The following PIEZO2 variants were observed in gnomAD, a reference collection of about 807,000 sequenced individuals.
PIEZO2 encodes the protein piezo type mechanosensitive ion channel component 2.
A neutral mutation model predicts 337.3 loss-of-function variants in PIEZO2; 172 were observed. That is an observed-to-expected ratio of 0.51 (90% confidence interval 0.45 to 0.58). The LOEUF (loss-of-function observed/expected upper bound fraction) is 0.58. Among genes scored for constraint, PIEZO2 ranks in the 20% least tolerant of loss-of-function variants. PIEZO2 has a pLI of 0.00. For missense variants in PIEZO2, 3,028 were observed against 3,391.3 expected (o/e 0.89, Z 2.66); for synonymous variants, 1,251 against 1,228.5 (o/e 1.02, Z -0.38).
intron 7 of PIEZO2, among the ~76,000 whole-genome samples, chr18:10,818,892 T>C (rs1378296820): frequency 2.6e-5 from 4 of 152,216 alleles, no homozygotes; most frequent in Admixed American, 2.0e-4. Flanking sequence ...TATAACCGAA[T>C]TATTGGCTTC....
rs999654832 is a variant in PIEZO2, at chr18:10,953,676, C to T, written c.286+25859G>A. 1.3e-5 allele frequency among the ~76,000 whole-genome samples: 2 copies of T among 151,916 alleles called. No homozygotes were observed. Among genetic ancestry groups the T allele is most frequent in the African/African-American group, 4.8e-5 (2 of 41,300 alleles). On this transcript the variant is annotated intron_variant, in intron 3 of 55. Transcript: ENST00000674853. This position sits in a 1 kb window ranked among gnomAD's most constrained non-coding sequence, Gnocchi z 5.2. ...ATTAGTGAGGAAGGCATCCACTGCC[C>T]TAAACAGAATGAGATGGTTGAACAC...
At chr18:11,134,275 T>C (rs1209786426) in intron 1 of PIEZO2, among the ~76,000 whole-genome samples, 3 of 152,194 alleles carry the variant, frequency 2.0e-5, no homozygotes, top group Non-Finnish European at 4.4e-5. Flanking sequence ...TGCAAATGTG[T>C]GTAGCCTGGT....
chr18:10,773,336 G>T lies in PIEZO2; in HGVS notation c.2785+76C>A. 7.2e-7 allele frequency: 1 copy of T among 1,394,402 alleles called. No homozygotes were observed. Among genetic ancestry groups the T allele is most frequent in the Non-Finnish European group, 9.8e-7 (1 of 1,019,716 alleles). 86.4% of individuals were successfully genotyped at this position (1,394,402 alleles called of 1,614,324 possible). On this transcript the variant is annotated intron_variant, in intron 20 of 55. Coordinates refer to ENST00000674853, the MANE Select transcript of PIEZO2 (RefSeq NM_001378183.1). This position sits in a 1 kb window ranked among gnomAD's most constrained non-coding sequence, Gnocchi z 5.3. ...GACTGGGTCAAATATATATTCTTTTGGAGCAAGTCAATGTTTCCTTCACTC... is the reference window on the plus strand; with the variant it reads ...GACTGGGTCAAATATATATTCTTTTTGAGCAAGTCAATGTTTCCTTCACTC...
At chr18:10,749,652 A>G (rs1198935272) in intron 29 of PIEZO2, among the ~76,000 whole-genome samples, 2 of 152,046 alleles carry the variant, frequency 1.3e-5, no homozygotes, top group African/African-American at 2.4e-5. Context: ...AGAAATCCTC[A>G]TGCTCCTCCC....
At chr18:11,037,028 C>T (rs59972332) in intron 2 of PIEZO2, among the ~76,000 whole-genome samples, 6,129 of 152,148 alleles carry the variant, frequency 0.04, 178 homozygotes, top group African/African-American at 0.08. Flanking sequence ...TGCAATGGCA[C>T]GATCTCGGCT....
In PIEZO2 at chr18:10,742,635, T is replaced by C. The variant is rs1423782402; in HGVS notation, c.4515-20A>G. 2 of 1,536,394 alleles carry C rather than the reference T, an allele frequency of 1.3e-6. No individual in the cohort carries two copies. Among genetic ancestry groups the C allele is most frequent in the Non-Finnish European group, 1.7e-6 (2 of 1,146,412 alleles). Reference sequence around the variant, plus strand: ...TCCATCCTATAAAGTAAAATAACATTAGTAATGCCAAGAACATATTCATTG... The same window carrying C: ...TCCATCCTATAAAGTAAAATAACATCAGTAATGCCAAGAACATATTCATTG... On this transcript the variant is annotated intron_variant, in intron 31 of 55. Coordinates refer to ENST00000674853, the MANE Select transcript of PIEZO2 (RefSeq NM_001378183.1).
At chr18:10,674,780 T>C (rs372286956) in intron 54 of PIEZO2, among the ~76,000 whole-genome samples, 5 of 152,226 alleles carry the variant, frequency 3.3e-5, no homozygotes, top group South Asian at 2.1e-4. Context: ...GAAAATTCAA[T>C]CACTAAAGTG....
rs760990089 is a variant in PIEZO2, at chr18:10,699,086, C to T, written c.6533G>A (p.Arg2178Lys). 12 of 1,537,264 alleles carry T rather than the reference C, an allele frequency of 7.8e-6. No individual in the cohort carries two copies. The South Asian group carries it at 1.3e-4, about 17-fold the overall frequency. The change falls in exon 44 of 56, where the codon AGG becomes AAG. Residue 2178 changes from arginine to lysine, a missense_variant. Arg to Lys is a conservative substitution (Grantham distance 26). Transcript: ENST00000674853. The part of the protein sequence containing the change: ...DDELSLGHGR[R>K]DSSDSLKSIN... ...GGACTTGAGAGAATCGGAGGAGTCCCTCCTGCCATGACCGAGGGAGAGCTC... is the reference window on the plus strand; with the variant it reads ...GGACTTGAGAGAATCGGAGGAGTCCTTCCTGCCATGACCGAGGGAGAGCTC...
chr18:10,836,588 A>G (rs1218868891), intron 7 of PIEZO2, among the ~76,000 whole-genome samples: 4 of 152,244 alleles, frequency 2.6e-5, no homozygotes, highest in Non-Finnish European at 5.9e-5. Flanking sequence ...AATGAGGTAT[A>G]TGATGTCAAA....
chr18:10,765,759 C>T lies in PIEZO2; in HGVS notation c.2947-2661G>A, dbSNP rs569542733. Among the ~76,000 whole-genome samples the T allele has an allele frequency of 3.1e-3, 355 of 112,984 alleles. 1 individual carries two copies. Among genetic ancestry groups the T allele is most frequent in the Non-Finnish European group, 4.5e-3 (238 of 52,342 alleles). 74.1% of individuals were successfully genotyped at this position (112,984 alleles called of 152,430 possible). A position where few individuals can be genotyped will look rare whatever the true frequency, so the allele number is the denominator to read the frequency against. ...TGCAGGAGTCCTGTGCTTGTGAGCT[C>T]GTGAGCTCACCCATGAGAGTCCAGA... is the stretch of plus-strand genomic sequence containing the variant. On this transcript the variant is annotated intron_variant, in intron 21 of 55. Coordinates refer to ENST00000674853, the MANE Select transcript of PIEZO2 (RefSeq NM_001378183.1).
chr18:10,774,917 A>T (rs1383780614), intron 18 of PIEZO2, among the ~76,000 whole-genome samples: 2 of 152,292 alleles, frequency 1.3e-5, no homozygotes, highest in East Asian at 3.9e-4. Context: ...AAGTTAATTA[A>T]TTTTCTACCA....
chr18:10,763,819 G>C (rs2038239445), intron 21 of PIEZO2, among the ~76,000 whole-genome samples: 1 of 152,188 alleles, frequency 6.6e-6, no homozygotes, highest in Admixed American at 6.5e-5. Flanking sequence ...ACGTGCCGCG[G>C]CAATAGCCCA....
intron 4 of PIEZO2, among the ~76,000 whole-genome samples, chr18:10,880,897 A>G (rs1261788444): frequency 3.1e-5 from 3 of 96,082 alleles, no homozygotes; most frequent in African/African-American, 7.4e-5. Context: ...ATATATATAT[A>G]TATAATTTTG....
intron 7 of PIEZO2, among the ~76,000 whole-genome samples, 193 bp from the exon 8 acceptor site, chr18:10,807,467 T>C (rs942590190): frequency 1.3e-5 from 2 of 152,232 alleles, no homozygotes; most frequent in East Asian, 1.9e-4. Flanking sequence ...GTATGTATAA[T>C]ATGCATATAA....
Position 10,677,891 on chromosome 18 carries a change from A to AG in PIEZO2, c.7953-17_7953-16insC. On this transcript the variant is annotated splice_polypyrimidine_tract_variant and intron_variant, in intron 52 of 55. Coordinates refer to ENST00000674853, the MANE Select transcript of PIEZO2 (RefSeq NM_001378183.1). The surrounding 1 kb of genome is among the most constrained non-coding windows in gnomAD (Gnocchi z 4.1). Reference sequence around the variant, plus strand: ...ACTTAAGTTTCTGTGAAGAAAAAAAAAAAGCTTAATGTCAGTGATTATTCA... The same window carrying AG: ...ACTTAAGTTTCTGTGAAGAAAAAAAAGAAAGCTTAATGTCAGTGATTATTCA... 1 of 1,567,028 alleles carries AG rather than the reference A, an allele frequency of 6.4e-7. No homozygotes were observed. Among genetic ancestry groups the AG allele is most frequent in the East Asian group, 2.2e-5 (1 of 44,634 alleles).
chr18:10,935,572 C>T (rs1054958870), intron 3 of PIEZO2, among the ~76,000 whole-genome samples: 1 of 152,148 alleles, frequency 6.6e-6, no homozygotes, highest in African/African-American at 2.4e-5. Flanking sequence ...TCTTTCAAGT[C>T]TTGAGAACCT....
chr18:10,699,110 T>G lies in PIEZO2; in HGVS notation c.6509A>C (p.Glu2170Ala). ...SGMAREESDD[E>A]LSLGHGRRDS... is the part of the protein sequence containing the mutation. ...CCTCCTGCCATGACCGAGGGAGAGC[T>G]CATCATCTGATTCCTCCCTGGCCAT... Residue 2170 changes from glutamate to alanine, a missense_variant, in exon 44 of 56, where the codon GAG (glutamate) becomes GCG (alanine). Transcript: ENST00000674853. 6.5e-7 allele frequency: 1 copy of G among 1,537,134 alleles called. No individual in the cohort carries two copies. Among genetic ancestry groups the G allele is most frequent in the Non-Finnish European group, 8.7e-7 (1 of 1,146,884 alleles).
chr18:10,827,625 A>G (rs1184340535), intron 7 of PIEZO2, among the ~76,000 whole-genome samples: 3 of 152,182 alleles, frequency 2.0e-5, no homozygotes, highest in Non-Finnish European at 4.4e-5. Flanking sequence ...TTTTGAAAGA[A>G]CTGCTCTAGA....
At chr18:10,946,007 G>A (rs1207598943) in intron 3 of PIEZO2, among the ~76,000 whole-genome samples, 3 of 152,182 alleles carry the variant, frequency 2.0e-5, no homozygotes, top group African/African-American at 4.8e-5. Context: ...GAGTATTACT[G>A]AGGTACAGGT....
Sources: allele counts gnomAD v4.1 joint callset (sites outside exome capture counted in the v4.1 genomes callset), GRCh38; gene constraint gnomAD v4.1.1; non-coding constraint Gnocchi (gnomAD v3.1); transcripts MANE v1.5; gene names NCBI Gene and HGNC (gene_info 2026-07-23, HGNC 2026-07-21).